Variants in FBXO25 observed in about 807,000 individuals in gnomAD.
The protein encoded by FBXO25 is F-box protein 25.
Under a neutral mutation model 51.9 loss-of-function variants are expected in FBXO25, and 45 were observed. The ratio of observed to expected loss-of-function variants is 0.87; its 90% CI spans 0.68 to 1.11. The LOEUF (loss-of-function observed/expected upper bound fraction) is 1.11. Among genes scored for constraint, FBXO25 ranks in the 50% most tolerant of loss-of-function variants. The pLI, the probability that FBXO25 is intolerant of heterozygous loss-of-function variation, is 0.00. For missense variants in FBXO25, 507 were observed against 428.5 expected, an observed-to-expected ratio of 1.18 and a Z score of -1.62; for synonymous variants, 199 against 151.0, an observed-to-expected ratio of 1.32 and a Z score of -2.33.
At chr8:467,040 T>C (rs1045039049) in intron 9 of FBXO25, among the ~76,000 whole-genome samples, 1 of 152,196 alleles carries the variant, frequency 6.6e-6, no homozygotes, top group Non-Finnish European at 1.5e-5. Context: ...CCCACAGGCC[T>C]GTGTGGACAT....
chr8:412,427 C>T (rs1490520069), intron 1 of FBXO25, among the ~76,000 whole-genome samples: 3 of 152,226 alleles, frequency 2.0e-5, no homozygotes, highest in Non-Finnish European at 4.4e-5. Context: ...TAAAGGTCAA[C>T]ATTCAGAAGC....
At chr8:459,881 A>G (rs1230259168) in intron 8 of FBXO25, among the ~76,000 whole-genome samples, 2 of 152,192 alleles carry the variant, frequency 1.3e-5, no homozygotes, top group Admixed American at 6.5e-5. Flanking sequence ...TTAATAGGAC[A>G]AAGAAAAGCC....
intron 4 of FBXO25, among the ~76,000 whole-genome samples, chr8:434,355 A>G (rs1000648961): frequency 1.2e-4 from 18 of 152,232 alleles, no homozygotes; most frequent in Non-Finnish European, 2.6e-4. Context: ...TGCCTGCTGC[A>G]CCATCGTGTG....
rs189015674 is a variant in FBXO25 at position 465,598 on chromosome 8, G to T, written c.987+2448G>T. ...AGATCAAGTCTCCCTTATCTGAAAT[G>T]CCTGGGACTTGAAGTGTTTCAGATT... On this transcript the variant is annotated intron_variant, in intron 9 of 9. Transcript: ENST00000350302. 1.4e-3 allele frequency among the ~76,000 whole-genome samples: 217 copies of T among 152,300 alleles called. 1 individual carries two copies. Among genetic ancestry groups the T allele is most frequent in the Middle Eastern group, 6.8e-3 (2 of 294 alleles).
intron 2 of FBXO25, among the ~76,000 whole-genome samples, chr8:418,330 G>GTCCTT (rs1796934368): frequency 9.6e-6 from 1 of 104,612 alleles, no homozygotes; most frequent in Admixed American, 9.7e-5. Flanking sequence ...TCGTTTGTTT[G>GTCCTT]TTCTTTTTTT....
chr8:477,410 A>G lies in FBXO25; in HGVS notation c.*8606A>G, dbSNP rs1032261451. On this transcript the variant is annotated 3_prime_UTR_variant, in exon 10 of 10. Coordinates refer to ENST00000350302, the MANE Select transcript of FBXO25 (RefSeq NM_183420.2). ...TCCATTTCTTCCTTTGATTCTGTCA[A>G]TGTTTGTTTCATATATTTTGGGCTC... The G allele has an allele frequency of 1.3e-5, 2 of 152,218 alleles. No individual in the cohort carries two copies. The highest frequency in any genetic ancestry group is 1.9e-4 in the East Asian group (1 of 5,200). 9.4% of individuals were successfully genotyped at this position (152,218 alleles called of 1,614,324 possible). A position where few individuals can be genotyped will look rare whatever the true frequency, so the allele number is the denominator to read the frequency against.
intron 5 of FBXO25, among the ~76,000 whole-genome samples, chr8:446,750 G>T (rs531833464): frequency 1.3e-5 from 2 of 152,306 alleles, no homozygotes; most frequent in African/African-American, 4.8e-5. Context: ...CTCAACTGGT[G>T]TGTTTTAGTG....
At chr8:416,643 G>C (rs1796820564) in intron 2 of FBXO25, among the ~76,000 whole-genome samples, 1 of 152,162 alleles carries the variant, frequency 6.6e-6, no homozygotes, top group Non-Finnish European at 1.5e-5. Context: ...GAATGGGCCG[G>C]AGTCCTACCT....
chr8:449,995 G>A lies in FBXO25; in HGVS notation c.387G>A (p.Leu129=). The A allele has an allele frequency of 6.2e-7, 1 of 1,608,116 alleles. No individual in the cohort carries two copies. The highest frequency in any genetic ancestry group is 8.5e-7 in the Non-Finnish European group (1 of 1,176,854). The change falls in exon 6 of 10, where the codon TTG becomes TTA. Residue 129 remains leucine, a synonymous_variant. Transcript: ENST00000350302. ...IRRFNYVVKL[L]QLIAKSQLTS... is the part of the protein sequence containing the mutation. ...TTTTCCGTCTTTCCTTTAAGCTGTT[G>A]CAGCTAATTGCAAAATCCCAGTTAA...
chr8:454,585 T>C (rs918438138), intron 7 of FBXO25, among the ~76,000 whole-genome samples: 2 of 152,132 alleles, frequency 1.3e-5, no homozygotes, highest in African/African-American at 4.8e-5. Context: ...AGTGATGTGA[T>C]GTTTTAGGTG....
chr8:430,330 G>T (rs1001998085), intron 2 of FBXO25, among the ~76,000 whole-genome samples: 4 of 152,148 alleles, frequency 2.6e-5, no homozygotes, highest in African/African-American at 9.7e-5. Context: ...AAAAAGTTCA[G>T]TTGTTTGTAT....
intron 1 of FBXO25, among the ~76,000 whole-genome samples, chr8:410,680 G>A (rs1487970225): frequency 1.3e-5 from 2 of 152,164 alleles, no homozygotes; most frequent in Non-Finnish European, 2.9e-5. Context: ...CTGAACATGG[G>A]CATTGAGTTT....
chr8:444,858 G>C (rs1371643984), intron 5 of FBXO25, among the ~76,000 whole-genome samples: 2 of 152,178 alleles, frequency 1.3e-5, no homozygotes, highest in Non-Finnish European at 2.9e-5. Flanking sequence ...TAGCTGTGTA[G>C]GTGTTGTGTA....
intron 2 of FBXO25, among the ~76,000 whole-genome samples, chr8:427,297 G>A (rs1379684041): frequency 6.6e-6 from 1 of 151,846 alleles, no homozygotes; most frequent in Admixed American, 6.6e-5. Context: ...GAGGAGGCCA[G>A]GGTGGGAATT....
At chr8:415,353 G>A (rs1230125014) in intron 2 of FBXO25, among the ~76,000 whole-genome samples, 1 of 152,148 alleles carries the variant, frequency 6.6e-6, no homozygotes, top group East Asian at 1.9e-4. Flanking sequence ...ATTCAACATG[G>A]TTGATCTGGG....
At chr8:413,853 C>A (rs531561333) in intron 2 of FBXO25, among the ~76,000 whole-genome samples, 1 of 152,162 alleles carries the variant, frequency 6.6e-6, no homozygotes, top group East Asian at 1.9e-4. Flanking sequence ...GGGTTGTGGC[C>A]CAGCCATGTG....
chr8:452,041 G>A (rs1225308202), intron 7 of FBXO25, among the ~76,000 whole-genome samples: 2 of 152,182 alleles, frequency 1.3e-5, no homozygotes, highest in African/African-American at 2.4e-5. Context: ...AGAATAAACC[G>A]AAGATATATC....
intron 8 of FBXO25, among the ~76,000 whole-genome samples, chr8:461,865 A>T (rs12546599): frequency 6.6e-6 from 1 of 152,116 alleles, no homozygotes; most frequent in Non-Finnish European, 1.5e-5. Context: ...ATCCCCCTCT[A>T]TGTATATCCA....
intron 9 of FBXO25, chr8:467,598 G>C (rs557824966): frequency 1.3e-5 from 13 of 997,772 alleles, no homozygotes; most frequent in Non-Finnish European, 2.0e-5. Flanking sequence ...AGTTATTTTC[G>C]TAAATAATAT....
Sources: gnomAD v4.1 joint callset for allele counts (sites outside exome capture counted in the v4.1 genomes callset) on GRCh38, gnomAD v4.1.1 for gene constraint, MANE v1.5 for transcripts, NCBI Gene and HGNC (gene_info 2026-07-23, HGNC 2026-07-21) for gene names.